Variants in PHKB observed in about 807,000 individuals in gnomAD.
The protein encoded by PHKB is phosphorylase kinase regulatory subunit beta, also known as phosphorylase b kinase regulatory subunit beta.
A neutral mutation model predicts 152.1 loss-of-function variants in PHKB; 122 were observed. The observed-to-expected ratio is 0.80, with a 90% CI of 0.69 to 0.93. PHKB has a LOEUF of 0.93. Ranked by LOEUF, PHKB falls within the 40% of genes least tolerant of loss-of-function variation. The probability of loss-of-function intolerance (pLI) is 0.00; values close to 1 mark genes in which losing one functional copy is unlikely to be tolerated. For synonymous variants in PHKB, 436 were observed against 464.9 expected (o/e 0.94, Z 0.80); for missense variants, 1,304 against 1,328.4 (o/e 0.98, Z 0.29).
intron 14 of PHKB, among the ~76,000 whole-genome samples, chr16:47,616,493 T>C (rs999077528): frequency 2.1e-5 from 3 of 146,184 alleles, no homozygotes; most frequent in African/African-American, 7.4e-5. Flanking sequence ...AATATATATT[T>C]TATATATTTA....
intron 14 of PHKB, among the ~76,000 whole-genome samples, chr16:47,623,371 T>C (rs986287417): frequency 1.3e-5 from 2 of 152,058 alleles, no homozygotes; most frequent in African/African-American, 4.8e-5. Flanking sequence ...TGTATTCAAC[T>C]TAGAAAGAAA....
intron 13 of PHKB, among the ~76,000 whole-genome samples, chr16:47,606,416 A>T (rs1299916952): frequency 6.6e-6 from 1 of 152,262 alleles, no homozygotes; most frequent in Non-Finnish European, 1.5e-5. Context: ...GGGTACATTT[A>T]TACAAAACTC....
chr16:47,632,308 T>G (rs959155053), intron 14 of PHKB, among the ~76,000 whole-genome samples: 1 of 152,188 alleles, frequency 6.6e-6, no homozygotes, highest in Admixed American at 6.5e-5. Flanking sequence ...TGTAAAAGGT[T>G]GACTAGCCTT....
intron 7 of PHKB, among the ~76,000 whole-genome samples, chr16:47,549,754 G>A (rs921040554): frequency 6.6e-6 from 1 of 152,058 alleles, no homozygotes; most frequent in Non-Finnish European, 1.5e-5. Flanking sequence ...TTAAATAAAA[G>A]TTACTACTGA....
chr16:47,608,230 G>C (rs1221869910), intron 13 of PHKB, among the ~76,000 whole-genome samples: 1 of 151,826 alleles, frequency 6.6e-6, no homozygotes, highest in East Asian at 1.9e-4. Context: ...TATCACTTTT[G>C]TTATGATGCC....
intron 18 of PHKB, among the ~76,000 whole-genome samples, chr16:47,649,937 A>C (rs1028199148): frequency 3.3e-5 from 5 of 151,626 alleles, no homozygotes; most frequent in Non-Finnish European, 5.9e-5. Flanking sequence ...AGATAGATAG[A>C]TAGATAATTT....
chr16:47,664,984 C>T lies in PHKB; in HGVS notation c.2427+9C>T. ...TGGTACATGGGAAACAGGTAACATG[C>T]ACAGAATTTGAAAACCCAAGCTGCT... On this transcript the variant is annotated intron_variant, in intron 25 of 30. Coordinates refer to ENST00000323584, the MANE Select transcript of PHKB (RefSeq NM_000293.3). 6.3e-7 allele frequency: 1 copy of T among 1,580,436 alleles called. No individual in the cohort carries two copies. The highest frequency in any genetic ancestry group is 8.7e-7 in the Non-Finnish European group (1 of 1,149,416).
chr16:47,601,256 T>G (rs1023827788), intron 13 of PHKB, among the ~76,000 whole-genome samples: 8 of 152,246 alleles, frequency 5.3e-5, no homozygotes, highest in Non-Finnish European at 1.0e-4. Context: ...AATTGAAATT[T>G]TTTTTGAGAT....
chr16:47,696,160 G>T (rs904767736), intron 28 of PHKB, among the ~76,000 whole-genome samples: 3 of 152,192 alleles, frequency 2.0e-5, no homozygotes, highest in Admixed American at 6.5e-5. Context: ...AATTAATATA[G>T]TGAAGGTAAC....
chr16:47,680,476 G>A (rs117863722), intron 26 of PHKB, among the ~76,000 whole-genome samples: 6,067 of 152,092 alleles, frequency 0.04, 136 homozygotes, highest in East Asian at 0.086. Flanking sequence ...AGAGATTCAG[G>A]TTCTTCTGGT....
At chr16:47,489,348 A>T (rs1970105679) in intron 1 of PHKB, among the ~76,000 whole-genome samples, 2 of 152,254 alleles carry the variant, frequency 1.3e-5, no homozygotes, top group South Asian at 4.1e-4. Context: ...TTTGAAACAT[A>T]ATTTCTCTTC....
chr16:47,505,084 A>G (rs1297495920), intron 4 of PHKB, among the ~76,000 whole-genome samples: 1 of 152,244 alleles, frequency 6.6e-6, no homozygotes, highest in Non-Finnish European at 1.5e-5. Context: ...GGTTTCTCTC[A>G]GGATGGCTGG....
intron 7 of PHKB, among the ~76,000 whole-genome samples, chr16:47,551,616 G>A (rs1192185238): frequency 6.6e-6 from 1 of 152,124 alleles, no homozygotes; most frequent in Non-Finnish European, 1.5e-5. Context: ...CATTTGCTGA[G>A]GAGTATTTTA....
At chr16:47,631,942 G>A (rs769748665) in intron 14 of PHKB, among the ~76,000 whole-genome samples, 2 of 152,196 alleles carry the variant, frequency 1.3e-5, no homozygotes, top group Non-Finnish European at 2.9e-5. Context: ...CATTGAGGAA[G>A]TCAGTGTGGC....
intron 6 of PHKB, among the ~76,000 whole-genome samples, chr16:47,546,104 A>T (rs191847627): frequency 6.6e-6 from 1 of 152,276 alleles, no homozygotes; most frequent in East Asian, 1.9e-4. Context: ...GAACTCGTCA[A>T]AGTCATTCTC....
chr16:47,580,462 A>G, intron 8 of PHKB, 104 bp downstream of exon 8: 1 of 835,966 alleles, frequency 1.2e-6, no homozygotes, highest in East Asian at 2.5e-5. Context: ...AGAATGTCCA[A>G]AATTTATGTA....
At chr16:47,480,708 C>G (rs1017034275) in intron 1 of PHKB, among the ~76,000 whole-genome samples, 2 of 152,072 alleles carry the variant, frequency 1.3e-5, no homozygotes, top group African/African-American at 4.8e-5. Flanking sequence ...CAATTTTTTG[C>G]TGCAATAAAA....
At chr16:47,608,770 A>G (rs942861908) in intron 13 of PHKB, among the ~76,000 whole-genome samples, 1 of 152,226 alleles carries the variant, frequency 6.6e-6, no homozygotes, top group Admixed American at 6.5e-5. Context: ...AAATCAGTTG[A>G]CTATACATGC....
intron 26 of PHKB, among the ~76,000 whole-genome samples, chr16:47,685,075 T>A (rs1283486275): frequency 6.6e-6 from 1 of 152,190 alleles, no homozygotes; most frequent in Non-Finnish European, 1.5e-5. Flanking sequence ...TGTTCCTTCC[T>A]TCCTTCCTTC....
Sources: allele counts gnomAD v4.1 joint callset (sites outside exome capture counted in the v4.1 genomes callset), GRCh38; gene constraint gnomAD v4.1.1; transcripts MANE v1.5; gene names NCBI Gene and HGNC (gene_info 2026-07-23, HGNC 2026-07-21).